The following STK32B variants were observed in gnomAD, a reference collection of about 807,000 sequenced individuals.
STK32B encodes the protein serine/threonine kinase 32B, also known as serine/threonine-protein kinase 32B.
In STK32B, 43 loss-of-function variants were observed where a neutral mutation model predicts 52.6. The ratio of observed to expected loss-of-function variants is 0.82; its 90% CI spans 0.64 to 1.05. The LOEUF is 1.05. STK32B is among the 50% of genes least tolerant of loss of function. STK32B has a pLI of 0.00. For synonymous variants in STK32B, 238 were observed against 204.3 expected, an observed-to-expected ratio of 1.17 and a Z score of -1.41; for missense variants, 621 against 534.6, an observed-to-expected ratio of 1.16 and a Z score of -1.59.
At chr4:5,416,003 G>T (rs1276278594) in intron 5 of STK32B, among the ~76,000 whole-genome samples, 1 of 152,134 alleles carries the variant, frequency 6.6e-6, no homozygotes, top group Non-Finnish European at 1.5e-5. Flanking sequence ...TGAAAATCCA[G>T]CCAGCCATTT....
chr4:5,407,647 G>A (rs1346480397), intron 5 of STK32B, among the ~76,000 whole-genome samples: 1 of 152,020 alleles, frequency 6.6e-6, no homozygotes, highest in East Asian at 1.9e-4. Flanking sequence ...GATGGCAGGA[G>A]TTTGGGGGGT....
intron 3 of STK32B, among the ~76,000 whole-genome samples, chr4:5,214,056 T>C (rs567588822): frequency 1.3e-5 from 2 of 152,284 alleles, no homozygotes; most frequent in South Asian, 2.1e-4. Context: ...GTGACTGATA[T>C]TGTTTGGCTC....
chr4:5,072,704 A>T lies in STK32B; in HGVS notation c.52+20789A>T, dbSNP rs559499411. On this transcript the variant is annotated intron_variant, in intron 1 of 11. Transcript: ENST00000282908. ...CCATCTACACTTGAAAGGAATATAT[A>T]TCCTTCTGTTACTGGTGTACTGTTT... 2.6e-5 allele frequency among the ~76,000 whole-genome samples: 4 copies of T among 152,244 alleles called. No individual in the cohort carries two copies. The South Asian group carries it at 8.3e-4, about 32-fold the overall frequency.
chr4:5,180,065 A>G (rs539456971), intron 3 of STK32B, among the ~76,000 whole-genome samples: 76 of 152,308 alleles, frequency 5.0e-4, no homozygotes, highest in African/African-American at 1.7e-3. Context: ...AGGGAAATTC[A>G]GAGCTGTTTC....
intron 4 of STK32B, among the ~76,000 whole-genome samples, chr4:5,389,562 T>C (rs758089885): frequency 6.6e-6 from 1 of 152,204 alleles, no homozygotes; most frequent in Non-Finnish European, 1.5e-5. Context: ...GATTTGAGTC[T>C]ACTCTAATGT....
intron 4 of STK32B, among the ~76,000 whole-genome samples, chr4:5,345,068 A>G (rs1481886976): frequency 6.6e-6 from 1 of 151,934 alleles, no homozygotes; most frequent in African/African-American, 2.4e-5. Flanking sequence ...AAAGAAAACA[A>G]AAACACTTCC....
At chr4:5,496,003 G>A (rs1047956097) in intron 11 of STK32B, among the ~76,000 whole-genome samples, 197 of 152,306 alleles carry the variant, frequency 1.3e-3, no homozygotes, top group African/African-American at 3.9e-3. Context: ...GGTGCCTCCC[G>A]GTTAGGCTGC....
intron 7 of STK32B, among the ~76,000 whole-genome samples, chr4:5,450,442 C>T (rs4234705): frequency 0.092 from 14,029 of 152,246 alleles, 1,057 homozygotes; most frequent in East Asian, 0.4. Flanking sequence ...TGATTATCCT[C>T]AGGATCCAGG....
rs376775623 is a variant in STK32B, at chr4:5,372,362, T to C, written c.435-25845T>C. Among the ~76,000 whole-genome samples, 33 of 152,208 alleles carry C rather than the reference T, an allele frequency of 2.2e-4. 1 individual carries two copies. The highest frequency in any genetic ancestry group is 7.2e-4 in the African/African-American group (30 of 41,520). On this transcript the variant is annotated intron_variant, in intron 4 of 11. Transcript: ENST00000282908. ...CATCTCTGTCCAGCCGGGCTGTAGG[T>C]GGACTTGGTTAATTTACCGAAAATG...
chr4:5,323,446 T>G (rs965734995), intron 3 of STK32B, among the ~76,000 whole-genome samples: 1 of 152,158 alleles, frequency 6.6e-6, no homozygotes, highest in Non-Finnish European at 1.5e-5. Flanking sequence ...CTATCACTTC[T>G]GCACCCTGCA....
chr4:5,198,809 A>G (rs2108773117), intron 3 of STK32B, among the ~76,000 whole-genome samples: 1 of 152,176 alleles, frequency 6.6e-6, no homozygotes, highest in South Asian at 2.1e-4. Flanking sequence ...CTCATGTCAC[A>G]TTTCGGTGGC....
chr4:5,446,285 A>G (rs3733184), intron 6 of STK32B, among the ~76,000 whole-genome samples: 18,533 of 152,244 alleles, frequency 0.12, 1,604 homozygotes, highest in East Asian at 0.47. Context: ...TAGATTTCTG[A>G]CCGGATGCGA....
At chr4:5,100,543 C>T (rs1345404377) in intron 1 of STK32B, among the ~76,000 whole-genome samples, 1 of 139,410 alleles carries the variant, frequency 7.2e-6, no homozygotes, top group African/African-American at 2.7e-5. Context: ...TCCTTCCTTT[C>T]CTCCTTTCCT....
chr4:5,412,527 C>T (rs560285211), intron 5 of STK32B, among the ~76,000 whole-genome samples: 14 of 152,256 alleles, frequency 9.2e-5, no homozygotes, highest in Admixed American at 3.3e-4. Context: ...CAGGAGGTAA[C>T]GAGATCAGGA....
In STK32B at chr4:5,392,164, A is replaced by G. The variant is rs561423621; in HGVS notation, c.435-6043A>G. 7.2e-5 allele frequency among the ~76,000 whole-genome samples: 11 copies of G among 152,324 alleles called. No homozygotes were observed. The South Asian group carries it at 1.9e-3, about 26-fold the overall frequency. On this transcript the variant is annotated intron_variant, in intron 4 of 11. Coordinates refer to ENST00000282908, the MANE Select transcript of STK32B (RefSeq NM_018401.3). ...TTAAAATCAAATCAGAACAAGCATG[A>G]TGGCTCACGCCTGTAATCCCAACAC...
chr4:5,081,338 T>C (rs1712416129), intron 1 of STK32B, among the ~76,000 whole-genome samples: 1 of 152,198 alleles, frequency 6.6e-6, no homozygotes. Flanking sequence ...CAATGTGTTT[T>C]TGTAAAATCT....
chr4:5,019,452 A>G, the STK32B span: 1,784 of 1,457,750 alleles, frequency 1.2e-3, 1 homozygote, highest in Non-Finnish European at 1.5e-3. Context: ...TCATGGTGCC[A>G]GGCGCTGGTG....
chr4:5,173,706 G>A (rs374617585), intron 3 of STK32B, among the ~76,000 whole-genome samples: 28,469 of 152,004 alleles, frequency 0.19, 3,339 homozygotes, highest in East Asian at 0.31. Flanking sequence ...CATTTGCTGA[G>A]GAGTGCTTTA....
rs1315623430 is a variant in STK32B at position 5,146,343 on chromosome 4, C to T, written c.108+6383C>T. On this transcript the variant is annotated intron_variant, in intron 2 of 11. Transcript: ENST00000282908. ...CAGTCTGTGACCGAAAGCCTGAGAG[C>T]CCCTGGCAAACCACTGGTGTAAGTC... is the stretch of plus-strand genomic sequence containing the variant. Among the ~76,000 whole-genome samples the T allele has an allele frequency of 2.6e-5, 4 of 152,090 alleles. No homozygotes were observed. The East Asian group carries it at 7.7e-4, about 29-fold the overall frequency.
Sources: allele counts gnomAD v4.1 joint callset (sites outside exome capture counted in the v4.1 genomes callset), GRCh38; gene constraint gnomAD v4.1.1; transcripts MANE v1.5; gene names NCBI Gene and HGNC (gene_info 2026-07-23, HGNC 2026-07-21).